The following NRXN3 variants were observed in gnomAD, a reference collection of about 807,000 sequenced individuals.
The protein encoded by NRXN3 is neurexin III.
A neutral mutation model predicts 137.6 loss-of-function variants in NRXN3; 32 were observed. That is an observed-to-expected ratio of 0.23 (90% CI 0.18 to 0.31). The LOEUF is 0.31. Ranked by LOEUF, NRXN3 falls within the 10% of genes least tolerant of loss-of-function variation. The pLI is 1.00. For missense variants in NRXN3, 1,574 were observed against 2,062.5 expected (o/e 0.76, Z 4.59); for synonymous variants, 798 against 784.5 (o/e 1.02, Z -0.29).
chr14:79,134,251 T>C (rs1360705961), intron 15 of NRXN3, among the ~76,000 whole-genome samples: 1 of 152,314 alleles, frequency 6.6e-6, no homozygotes, highest in South Asian at 2.1e-4. Flanking sequence ...CAACAGGTAA[T>C]ATGGGAAAGC....
At chr14:78,890,950 T>G (rs2099157149) in intron 10 of NRXN3, among the ~76,000 whole-genome samples, 1 of 151,964 alleles carries the variant, frequency 6.6e-6, no homozygotes, top group South Asian at 2.1e-4. Flanking sequence ...CATACCATTT[T>G]GCTCCCAAAA....
At position 78,528,723 on chromosome 14, in the gene NRXN3, A is replaced by G. The variant is rs184269434; in HGVS notation, c.758-116397A>G. The stretch of plus-strand genomic sequence containing the variant: ...ATCACTTTTAGAGTCTTTTTTCAGA[A>G]TGAGGTGAGTGAGGCAGAGTCGTGC... On this transcript the variant is annotated intron_variant, in intron 4 of 20. Coordinates refer to ENST00000335750, the MANE Select transcript of NRXN3 (RefSeq NM_001330195.2). 3.3e-4 allele frequency among the ~76,000 whole-genome samples: 50 copies of G among 152,244 alleles called. 1 individual carries two copies. Among genetic ancestry groups the G allele is most frequent in the Non-Finnish European group, 1.3e-4 (9 of 68,004 alleles).
chr14:78,364,978 T>C (rs1002840957), intron 4 of NRXN3, among the ~76,000 whole-genome samples: 1 of 152,196 alleles, frequency 6.6e-6, no homozygotes, highest in African/African-American at 2.4e-5. Context: ...CTATTGTTAA[T>C]GATTAACCTT....
intron 15 of NRXN3, among the ~76,000 whole-genome samples, chr14:79,386,568 C>T (rs1373221887): frequency 2.0e-5 from 3 of 152,140 alleles, no homozygotes; most frequent in African/African-American, 7.2e-5. Flanking sequence ...ATCAAGCTAC[C>T]AATGACTTTC....
intron 15 of NRXN3, among the ~76,000 whole-genome samples, chr14:79,413,737 G>A (rs1298332167): frequency 6.6e-6 from 1 of 151,942 alleles, no homozygotes; most frequent in Non-Finnish European, 1.5e-5. Context: ...ATATTAATAA[G>A]TCATAGGAAT....
intron 6 of NRXN3, among the ~76,000 whole-genome samples, chr14:78,702,711 T>G (rs2098299305): frequency 6.6e-6 from 1 of 152,108 alleles, no homozygotes; most frequent in Non-Finnish European, 1.5e-5. Flanking sequence ...CCCAAAGTTC[T>G]GGGATTACAG....
At chr14:78,512,817 T>G (rs1488657189) in intron 4 of NRXN3, among the ~76,000 whole-genome samples, 1 of 151,932 alleles carries the variant, frequency 6.6e-6, no homozygotes, top group African/African-American at 2.4e-5. Flanking sequence ...GTAGGAAGAG[T>G]TTGAAGCTGT....
intron 15 of NRXN3, among the ~76,000 whole-genome samples, chr14:79,315,417 A>G (rs2088357749): frequency 6.6e-6 from 1 of 152,322 alleles, no homozygotes; most frequent in Admixed American, 6.5e-5. Context: ...AAAAAAGAAA[A>G]GGGGTCTCTG....
intron 4 of NRXN3, among the ~76,000 whole-genome samples, chr14:78,502,968 T>G (rs1480178743): frequency 6.6e-6 from 1 of 152,200 alleles, no homozygotes; most frequent in Non-Finnish European, 1.5e-5. Context: ...GAAGTACTGT[T>G]TTTGCATCAG....
At chr14:79,304,537 C>G (rs2085706996) in intron 15 of NRXN3, among the ~76,000 whole-genome samples, 1 of 152,040 alleles carries the variant, frequency 6.6e-6, no homozygotes, top group South Asian at 2.1e-4. Context: ...AGTATGAGAA[C>G]TAAGCTATTA....
chr14:79,734,081 G>A (rs1336100756), intron 19 of NRXN3, among the ~76,000 whole-genome samples: 1 of 152,154 alleles, frequency 6.6e-6, no homozygotes, highest in Admixed American at 6.5e-5. Context: ...ACTAGAGACA[G>A]AAAAACGTTG....
chr14:79,388,149 C>A (rs2094705505), intron 15 of NRXN3, among the ~76,000 whole-genome samples: 1 of 151,882 alleles, frequency 6.6e-6, no homozygotes, highest in African/African-American at 2.4e-5. Flanking sequence ...GCGTCTTCCC[C>A]CTTATTCTCT....
At chr14:78,463,415 A>G (rs1321438220) in intron 4 of NRXN3, among the ~76,000 whole-genome samples, 2 of 151,982 alleles carry the variant, frequency 1.3e-5, no homozygotes, top group African/African-American at 2.4e-5. Flanking sequence ...GTAGATACCC[A>G]GTAGTGGGAC....
chr14:79,322,961 A>T, intron 15 of NRXN3, among the ~76,000 whole-genome samples: 1 of 152,234 alleles, frequency 6.6e-6, no homozygotes, highest in East Asian at 1.9e-4. Context: ...TGCTCAGGTA[A>T]GAAATGACTG....
At chr14:79,809,858 G>A (rs560742677) in intron 20 of NRXN3, among the ~76,000 whole-genome samples, 55 of 152,288 alleles carry the variant, frequency 3.6e-4, no homozygotes, top group Non-Finnish European at 1.6e-4. Context: ...GGATGAGCTG[G>A]AGAGCATTCA....
intron 16 of NRXN3, among the ~76,000 whole-genome samples, chr14:79,526,608 C>G (rs2097122991): frequency 6.6e-6 from 1 of 152,124 alleles, no homozygotes; most frequent in East Asian, 1.9e-4. Context: ...CAACCAACAT[C>G]AAATATTTAT....
At chr14:79,671,731 T>C (rs2098608787) in intron 17 of NRXN3, among the ~76,000 whole-genome samples, 1 of 152,062 alleles carries the variant, frequency 6.6e-6, no homozygotes, top group African/African-American at 2.4e-5. Context: ...TTGTATCTTA[T>C]AAGTTAAATA....
intron 10 of NRXN3, among the ~76,000 whole-genome samples, chr14:78,874,983 G>A (rs1160509825): frequency 2.6e-5 from 4 of 152,338 alleles, no homozygotes; most frequent in East Asian, 1.9e-4. Flanking sequence ...CTTGAGCACA[G>A]GGGTGTGGAG....
chr14:79,712,617 T>G (rs959652581), intron 19 of NRXN3, among the ~76,000 whole-genome samples: 9 of 152,232 alleles, frequency 5.9e-5, no homozygotes, highest in African/African-American at 1.9e-4. Context: ...CTTTGTTTGT[T>G]AATGAATACC....
Sources: allele counts gnomAD v4.1 joint callset (sites outside exome capture counted in the v4.1 genomes callset), GRCh38; gene constraint gnomAD v4.1.1; transcripts MANE v1.5; gene names NCBI Gene and HGNC (gene_info 2026-07-23, HGNC 2026-07-21).